Variants in TLK1 observed in about 807,000 individuals in gnomAD.
TLK1 encodes tousled like kinase 1.
A neutral mutation model predicts 105.3 loss-of-function variants in TLK1; 24 were observed. The ratio of observed to expected loss-of-function variants is 0.23; its 90% CI spans 0.17 to 0.32. TLK1 has a LOEUF of 0.32. Among genes scored for constraint, TLK1 ranks in the 10% least tolerant of loss-of-function variants. TLK1 has a pLI of 1.00. For synonymous variants in TLK1, 321 were observed against 310.4 expected (o/e 1.03, Z -0.36); for missense variants, 558 against 910.5 (o/e 0.61, Z 4.98).
chr2:171,174,823 T>C (rs953246169), intron 1 of TLK1, among the ~76,000 whole-genome samples: 1 of 152,166 alleles, frequency 6.6e-6, no homozygotes, highest in Non-Finnish European at 1.5e-5. Flanking sequence ...TGTAGCTACT[T>C]ATTATTTAGA....
chr2:171,205,952 C>T (rs766999682), intron 1 of TLK1, among the ~76,000 whole-genome samples: 2 of 152,198 alleles, frequency 1.3e-5, no homozygotes, highest in Non-Finnish European at 2.9e-5. Flanking sequence ...GGAATGTCAA[C>T]ATATCTCCCA....
At chr2:171,122,825 G>C (rs59841744) in intron 1 of TLK1, among the ~76,000 whole-genome samples, 20,481 of 151,788 alleles carry the variant, frequency 0.13, 2,374 homozygotes, top group African/African-American at 0.32. Flanking sequence ...GATCACTTAA[G>C]GTCAGGAGTT....
chr2:171,208,457 T>C (rs1280938179), intron 1 of TLK1, among the ~76,000 whole-genome samples: 3 of 152,178 alleles, frequency 2.0e-5, no homozygotes, highest in African/African-American at 7.2e-5. Context: ...ACTTAGAGCA[T>C]TAATTACATT....
chr2:171,056,212 C>T lies in TLK1; in HGVS notation c.549+259G>A, dbSNP rs749596326. On this transcript the variant is annotated intron_variant, in intron 6 of 20. Transcript: ENST00000431350. ...ATGTTAGTCCCACAGACTCAACAGG[C>T]ATTCTTTTAACATAAACAATGCTTC... 2.0e-5 allele frequency among the ~76,000 whole-genome samples: 3 copies of T among 152,052 alleles called. No homozygotes were observed. The South Asian group carries it at 6.2e-4, about 31-fold the overall frequency.
chr2:171,224,300 G>A (rs1368518635), intron 1 of TLK1, among the ~76,000 whole-genome samples: 1 of 152,076 alleles, frequency 6.6e-6, no homozygotes, highest in African/African-American at 2.4e-5. Context: ...TGTTCCATTG[G>A]TTGATGTTTT....
At chr2:171,168,771 A>G (rs902430807) in intron 1 of TLK1, among the ~76,000 whole-genome samples, 1 of 152,042 alleles carries the variant, frequency 6.6e-6, no homozygotes, top group African/African-American at 2.4e-5. Flanking sequence ...TTTATTTATA[A>G]TGATGAGAGT....
intron 1 of TLK1, among the ~76,000 whole-genome samples, chr2:171,128,666 C>T (rs559726036): frequency 6.6e-6 from 1 of 152,182 alleles, no homozygotes; most frequent in Admixed American, 6.5e-5. Context: ...ACACAACTAA[C>T]CAAGTTCCTC....
intron 2 of TLK1, among the ~76,000 whole-genome samples, chr2:171,092,381 G>GTT (rs1575590328): frequency 6.6e-6 from 1 of 152,316 alleles, no homozygotes; most frequent in East Asian, 1.9e-4. Context: ...AGGCAAAACT[G>GTT]TAAGACAGAC....
intron 11 of TLK1, among the ~76,000 whole-genome samples, chr2:171,040,556 T>C (rs1686614437): frequency 7.2e-6 from 1 of 139,184 alleles, no homozygotes; most frequent in Non-Finnish European, 1.5e-5. Flanking sequence ...ATACAAAATA[T>C]ATTCCTTTTT....
intron 11 of TLK1, among the ~76,000 whole-genome samples, chr2:171,038,322 T>C (rs1038266349): frequency 3.7e-4 from 57 of 152,148 alleles, no homozygotes; most frequent in Admixed American, 1.2e-3. Flanking sequence ...GTGTTTCCTA[T>C]ATTAATTTCT....
chr2:171,204,861 G>A (rs1407097175), intron 1 of TLK1, among the ~76,000 whole-genome samples: 1 of 152,076 alleles, frequency 6.6e-6, no homozygotes, highest in Non-Finnish European at 1.5e-5. Flanking sequence ...GGGAGGCTGA[G>A]GCAGGAGAAT....
intron 1 of TLK1, among the ~76,000 whole-genome samples, chr2:171,202,313 G>A (rs1463321762): frequency 6.6e-6 from 1 of 152,094 alleles, no homozygotes; most frequent in Non-Finnish European, 1.5e-5. Context: ...TTAGCCGGAC[G>A]TGGTGGTGCA....
intron 1 of TLK1, among the ~76,000 whole-genome samples, chr2:171,184,887 G>A (rs899510340): frequency 6.6e-5 from 10 of 152,016 alleles, no homozygotes; most frequent in Non-Finnish European, 1.2e-4. Context: ...CACCCAGGCT[G>A]GAGTGCAGTG....
intron 18 of TLK1, among the ~76,000 whole-genome samples, chr2:171,003,118 CA>C (rs1684467170): frequency 6.6e-6 from 1 of 151,290 alleles, no homozygotes; most frequent in Non-Finnish European, 1.5e-5. Context: ...ACTAAAAATA[CA>C]AAAAATTGGC....
chr2:171,066,934 T>G, intron 3 of TLK1: 1 of 1,544,728 alleles, frequency 6.5e-7, no homozygotes, highest in Non-Finnish European at 8.7e-7. Flanking sequence ...TTTCAGATAA[T>G]TTATTCTGGA....
chr2:171,117,656 G>A (rs1030032938), intron 2 of TLK1, 83 bp downstream of exon 2: 4 of 1,079,828 alleles, frequency 3.7e-6, no homozygotes, highest in African/African-American at 1.6e-5. Context: ...TGTTAAGCAC[G>A]TTATGTAGGA....
At chr2:171,187,986 C>G (rs1486445812) in intron 1 of TLK1, among the ~76,000 whole-genome samples, 1 of 152,128 alleles carries the variant, frequency 6.6e-6, no homozygotes, top group African/African-American at 2.4e-5. Flanking sequence ...GAACTCTGGA[C>G]TGAATTACAA....
intron 1 of TLK1, among the ~76,000 whole-genome samples, chr2:171,170,908 G>A (rs1692714343): frequency 6.6e-6 from 1 of 152,052 alleles, no homozygotes; most frequent in Non-Finnish European, 1.5e-5. Context: ...AGTGAAGTGG[G>A]GTAAAGAATA....
chr2:171,200,881 C>CTT (rs34320208), intron 1 of TLK1, among the ~76,000 whole-genome samples: 7 of 129,696 alleles, frequency 5.4e-5, no homozygotes, highest in African/African-American at 8.3e-5. Flanking sequence ...CAGATCCCTT[C>CTT]TTTTTTTTTT....
Sources: allele counts gnomAD v4.1 joint callset (sites outside exome capture counted in the v4.1 genomes callset), GRCh38; gene constraint gnomAD v4.1.1; transcripts MANE v1.5; gene names NCBI Gene and HGNC (gene_info 2026-07-23, HGNC 2026-07-21).